The following PRKD3 variants were observed in gnomAD, a reference collection of about 807,000 sequenced individuals.
The protein encoded by PRKD3 is protein kinase D3.
A neutral mutation model predicts 99.2 loss-of-function variants in PRKD3; 47 were observed. The ratio of observed to expected loss-of-function variants is 0.47; its 90% confidence interval spans 0.38 to 0.60. The LOEUF (loss-of-function observed/expected upper bound fraction) is 0.60, where lower values mean the gene tolerates loss of function less well. Ranked by LOEUF, PRKD3 falls within the 20% of genes least tolerant of loss-of-function variation. PRKD3 has a pLI of 0.00. For missense variants in PRKD3, 1,019 were observed against 1,088.4 expected (o/e 0.94, Z 0.90); for synonymous variants, 392 against 355.4 (o/e 1.10, Z -1.16).
In PRKD3 at chr2:37,251,292, A is replaced by G. The variant is rs544097051; in HGVS notation, c.*1885T>C. 1.3e-5 allele frequency: 2 copies of G among 152,722 alleles called. No individual in the cohort carries two copies. Among genetic ancestry groups the G allele is most frequent in the South Asian group, 4.1e-4 (2 of 4,822 alleles). The allele number at this position is 152,722 out of a possible 1,614,324, so 9.5% of individuals were successfully genotyped here. ...AGGGGAATGTTTCCTGGAGGTATTT[A>G]TGGGTAGATAGTACAGCATAATGGT... On this transcript the variant is annotated 3_prime_UTR_variant, in exon 19 of 19. Transcript: ENST00000234179.
intron 2 of PRKD3, among the ~76,000 whole-genome samples, chr2:37,298,036 A>G (rs1670749763): frequency 2.0e-5 from 3 of 152,092 alleles, no homozygotes; most frequent in Admixed American, 2.0e-4. Context: ...AGATTTATCT[A>G]TTTTCCCCCA....
intron 9 of PRKD3, 39 bp from the exon 10 acceptor site, chr2:37,275,883 T>G (rs1369986194): frequency 6.3e-7 from 1 of 1,586,500 alleles, no homozygotes; most frequent in African/African-American, 1.4e-5. Context: ...GGTTCAAAAA[T>G]GATTCCTCCA....
At chr2:37,315,285 A>C (rs192577951) in intron 2 of PRKD3, among the ~76,000 whole-genome samples, 84 of 152,354 alleles carry the variant, frequency 5.5e-4, no homozygotes, top group Middle Eastern at 3.4e-3. Context: ...AAAGATATTT[A>C]GCTAAAGTTC....
At position 37,265,038 on chromosome 2, in the gene PRKD3, C is replaced by G. The variant is rs1297102221; in HGVS notation, c.1884+2392G>C. On this transcript the variant is annotated intron_variant, in intron 14 of 18. Transcript: ENST00000234179. Reference sequence around the variant, plus strand: ...GCGCAATCTTCACCCCATCTTTTCTCTAAGTATGTGGGCATGGGAAAGAAA... The same window carrying G: ...GCGCAATCTTCACCCCATCTTTTCTGTAAGTATGTGGGCATGGGAAAGAAA... Among the ~76,000 whole-genome samples the G allele has an allele frequency of 2.0e-5, 3 of 152,134 alleles. No individual in the cohort carries two copies. The East Asian group carries it at 5.8e-4, about 29-fold the overall frequency.
At chr2:37,293,024 T>C in intron 3 of PRKD3, 109 bp downstream of exon 3, 1 of 1,173,968 alleles carries the variant, frequency 8.5e-7, no homozygotes, top group Non-Finnish European at 1.2e-6. Flanking sequence ...TGAAAGAAAT[T>C]AAGTAACAAT....
rs757062775 is a variant in PRKD3 at position 37,316,490 on chromosome 2, T to G, written c.35A>C (p.Lys12Thr). ...AGGAATAGCTGTGGGTAATACAGAC[T>G]TCTGGGCTGATGGAGGGGAATTATT... is the stretch of plus-strand genomic sequence containing the variant. ...SANNSPPSAQ[K>T]SVLPTAIPAV... Residue 12 changes from lysine to threonine, a missense_variant, in exon 2 of 19, where the codon AAG (lysine) becomes ACG (threonine). By Grantham distance (78) the Lys-to-Thr change is moderately conservative (BLOSUM62 -1). This residue lies in a region of PRKD3 where 710 missense variants were observed against 692.7 expected (regional missense o/e 1.02). Transcript: ENST00000234179. 1 of 1,613,994 alleles carries G rather than the reference T, an allele frequency of 6.2e-7. No individual in the cohort carries two copies. The highest frequency in any genetic ancestry group is 1.7e-5 in the Admixed American group (1 of 59,996).
rs916115905 is a variant in PRKD3, at chr2:37,257,029, C to A, written c.2146-100G>T. 43 of 1,244,292 alleles carry A rather than the reference C, an allele frequency of 3.5e-5. No individual in the cohort carries two copies. In the African/African-American group the frequency reaches 6.1e-4, roughly 18 times the overall value. The allele number at this position is 1,244,292 out of a possible 1,614,324, so 77.1% of individuals were successfully genotyped here. On this transcript the variant is annotated intron_variant, in intron 16 of 18. Transcript: ENST00000234179. Reference sequence around the variant, plus strand: ...TGTATGTATCATTTCAACATACTTGCCAGCTCTACTGATTATGAATATTAA... The same window carrying A: ...TGTATGTATCATTTCAACATACTTGACAGCTCTACTGATTATGAATATTAA...
Position 37,286,331 on chromosome 2 carries a change from A to G in PRKD3, c.756T>C (p.Ser252=), listed in dbSNP as rs530579946. 178 of 1,614,174 alleles carry G rather than the reference A, an allele frequency of 1.1e-4. 2 individuals carry two copies. In the South Asian group the frequency reaches 1.7e-3, roughly 16 times the overall value. Residue 252 remains serine (S), a synonymous_variant, in exon 6 of 19, where the codon TCT becomes TCC. Coordinates refer to ENST00000234179, the MANE Select transcript of PRKD3 (RefSeq NM_005813.6). ...CCATCCAGATTGGGCGACCACTCCA[A>G]GAAGGAATTCTCTTACTTGGTTCCT... ...VHQEPSKRIP[S]WSGRPIWMEK... is the part of the protein sequence containing the mutation.
intron 4 of PRKD3, among the ~76,000 whole-genome samples, chr2:37,289,791 A>T (rs1012007675): frequency 1.3e-5 from 2 of 152,134 alleles, no homozygotes; most frequent in African/African-American, 4.8e-5. Flanking sequence ...ACAAGGCTCC[A>T]CCCCAGATCT....
intron 2 of PRKD3, among the ~76,000 whole-genome samples, chr2:37,310,698 T>C (rs1462402131): frequency 1.3e-5 from 2 of 152,100 alleles, no homozygotes; most frequent in Non-Finnish European, 2.9e-5. Flanking sequence ...CCAACATCCA[T>C]ACAGAAAAAA....
At chr2:37,270,220 T>A (rs1342648453) in intron 12 of PRKD3, among the ~76,000 whole-genome samples, 2 of 151,530 alleles carry the variant, frequency 1.3e-5, no homozygotes, top group Admixed American at 1.3e-4. Context: ...AGAGCGAGAC[T>A]CCATCTCAAG....
intron 16 of PRKD3, among the ~76,000 whole-genome samples, chr2:37,258,238 T>C (rs1668132587): frequency 6.6e-6 from 1 of 152,254 alleles, no homozygotes; most frequent in African/African-American, 2.4e-5. Context: ...ATTTCTGGGA[T>C]GGTGGACTCT....
At chr2:37,322,781 G>A (rs1036834260) in intron 1 of PRKD3, among the ~76,000 whole-genome samples, 3 of 152,106 alleles carry the variant, frequency 2.0e-5, no homozygotes, top group Non-Finnish European at 4.4e-5. Context: ...TATATAGCAA[G>A]TTCGATCTGA....
At chr2:37,269,393 C>T in intron 13 of PRKD3, 2 of 541,784 alleles carry the variant, frequency 3.7e-6, no homozygotes, top group Non-Finnish European at 6.6e-6. Context: ...ATAAAACACA[C>T]TGTAAAATTT....
At position 37,251,231 on chromosome 2, in the gene PRKD3, A is replaced by ATCTT. The variant is rs1667464238; in HGVS notation, c.*1942_*1945dup. The ATCTT allele has an allele frequency of 6.6e-6, 1 of 152,602 alleles. No individual in the cohort carries two copies. The highest frequency in any genetic ancestry group is 2.4e-5 in the African/African-American group (1 of 41,440). 9.5% of individuals were successfully genotyped at this position (152,602 alleles called of 1,614,324 possible). A position where few individuals can be genotyped will look rare whatever the true frequency, so the allele number is the denominator to read the frequency against. ...TTTTTTTGAAAATTAATTTGATTTA[A>ATCTT]TCTTTGAAGCTTCTATAGAAGGACA... is the stretch of plus-strand genomic sequence containing the variant. On this transcript the variant is annotated 3_prime_UTR_variant, in exon 19 of 19. Transcript: ENST00000234179.
intron 7 of PRKD3, among the ~76,000 whole-genome samples, chr2:37,281,785 C>T (rs951034051): frequency 1.3e-5 from 2 of 152,132 alleles, no homozygotes; most frequent in Non-Finnish European, 1.5e-5. Context: ...AATTTTCATT[C>T]CTTTTATGCT....
intron 13 of PRKD3, chr2:37,269,286 T>C: frequency 3.6e-6 from 1 of 281,054 alleles, no homozygotes; most frequent in South Asian, 4.5e-5. Context: ...GTAGGGAATA[T>C]ACTTCAATGA....
At position 37,289,413 on chromosome 2, in the gene PRKD3, G is replaced by A. The variant is rs771507911; in HGVS notation, c.660C>T (p.Pro220=). 1.1e-5 allele frequency: 17 copies of A among 1,614,042 alleles called. No individual in the cohort carries two copies. The highest frequency in any genetic ancestry group is 1.0e-4 in the Admixed American group (6 of 60,016). Reference sequence around the variant, plus strand: ...GTAGGGGTCTTGGAACTGAGAGGCCGGGTCCTGGTAAAGATACATTTGACA... The same window carrying A: ...GTAGGGGTCTTGGAACTGAGAGGCCAGGTCCTGGTAAAGATACATTTGACA... The part of the protein sequence containing the change: ...RRLSNVSLPG[P]GLSVPRPLQP... Residue 220 remains proline, a synonymous_variant, in exon 5 of 19, where the codon CCC becomes CCT. Transcript: ENST00000234179.
intron 2 of PRKD3, among the ~76,000 whole-genome samples, chr2:37,297,691 G>A (rs1413320388): frequency 1.3e-5 from 2 of 152,110 alleles, no homozygotes; most frequent in East Asian, 3.8e-4. Context: ...CAGGTATATT[G>A]CAGGAGGCCT....
Sources: allele counts gnomAD v4.1 joint callset (sites outside exome capture counted in the v4.1 genomes callset), GRCh38; gene constraint gnomAD v4.1.1; regional missense constraint gnomAD v4.1.1; transcripts MANE v1.5; gene names NCBI Gene and HGNC (gene_info 2026-07-23, HGNC 2026-07-21).